TSC22D2: variants seen among roughly 807,000 people sequenced by gnomAD.
TSC22D2 encodes the protein TSC22 domain family protein 2.
In TSC22D2, 5 loss-of-function variants were observed where a neutral mutation model predicts 50.1. The observed-to-expected ratio is 0.10, with a 90% CI of 0.05 to 0.21. TSC22D2 has a LOEUF of 0.21. Among genes scored for constraint, TSC22D2 ranks in the 10% least tolerant of loss-of-function variants. TSC22D2 has a pLI of 1.00. For missense variants in TSC22D2, 1,003 were observed against 1,015.5 expected (o/e 0.99, Z 0.17); for synonymous variants, 501 against 450.1 (o/e 1.11, Z -1.43).
At position 150,430,057 on chromosome 3, in the gene TSC22D2, A is replaced by G. The variant is rs143955839; in HGVS notation, c.1958+18749A>G. Reference sequence around the variant, plus strand: ...CAGTGAGCTTGGTCTTAATATGGAAAATGGTAAATACATTATCACATGATT... The same window carrying G: ...CAGTGAGCTTGGTCTTAATATGGAAGATGGTAAATACATTATCACATGATT... On this transcript the variant is annotated intron_variant, in intron 1 of 2. Transcript: ENST00000688009. Among the ~76,000 whole-genome samples the G allele has an allele frequency of 4.7e-3, 710 of 152,282 alleles. 9 individuals carry two copies. The highest frequency in any genetic ancestry group is 2.5e-3 in the Non-Finnish European group (167 of 68,010).
chr3:150,457,355 T>G (rs1721221383), intron 2 of TSC22D2, among the ~76,000 whole-genome samples: 1 of 152,236 alleles, frequency 6.6e-6, no homozygotes, highest in Non-Finnish European at 1.5e-5. Context: ...TTTCATGCAT[T>G]ATCATTGATA....
rs1282311707 is a variant in TSC22D2, at chr3:150,409,671, C to A, written c.321C>A (p.Val107=). Residue 107 remains valine (V), a synonymous_variant, in exon 1 of 3, where the codon GTC becomes GTA. Coordinates refer to ENST00000688009, the MANE Select transcript of TSC22D2 (RefSeq NM_001303264.2). The surrounding 1 kb of genome is among the most constrained non-coding windows in gnomAD (Gnocchi z 7.4). Reference sequence around the variant, plus strand: ...CTGCTCCCGCCAACGGAGGAGGAGTCGTTTCGGCCCGGAGCGTGTCTGGGG... The same window carrying A: ...CTGCTCCCGCCAACGGAGGAGGAGTAGTTTCGGCCCGGAGCGTGTCTGGGG... ...AAAAPANGGG[V]VSARSVSGAL... 2 of 1,594,980 alleles carry A rather than the reference C, an allele frequency of 1.3e-6. No individual in the cohort carries two copies. Among genetic ancestry groups the A allele is most frequent in the Admixed American group, 1.7e-5 (1 of 57,672 alleles).
intron 1 of TSC22D2, among the ~76,000 whole-genome samples, chr3:150,433,317 G>A (rs1287163348): frequency 2.6e-5 from 4 of 152,164 alleles, no homozygotes; most frequent in African/African-American, 7.2e-5. Context: ...CAGCATGGCT[G>A]TCAGTGTCCC....
chr3:150,448,330 C>T (rs1008512978), intron 1 of TSC22D2, among the ~76,000 whole-genome samples: 1 of 152,002 alleles, frequency 6.6e-6, no homozygotes, highest in African/African-American at 2.4e-5. Flanking sequence ...TTTTAAAAAT[C>T]AGCTGGGAAT....
chr3:150,410,409 G>T lies in TSC22D2; in HGVS notation c.1059G>T (p.Gln353His). The change falls in exon 1 of 3, where the codon CAG (glutamine) becomes CAT (histidine). Residue 353 changes from glutamine to histidine, a missense_variant. Transcript: ENST00000688009. ...CAGTGGGCGCCCCCGCGGCGCAGCA[G>T]CCCCAGCAGTTCGCGTATCCTCAGC... Reference protein sequence around the residue: ...GPAVGAPAAQQPQQFAYPQPQ... With the variant: ...GPAVGAPAAQHPQQFAYPQPQ... 6.2e-7 allele frequency: 1 copy of T among 1,608,626 alleles called. No homozygotes were observed.
chr3:150,441,113 T>C (rs1720705690), intron 1 of TSC22D2, among the ~76,000 whole-genome samples: 1 of 151,144 alleles, frequency 6.6e-6, no homozygotes, highest in Admixed American at 6.6e-5. Flanking sequence ...TCTGTAGTAG[T>C]AGTATGTTTG....
At chr3:150,412,527 C>T (rs1009599775) in intron 1 of TSC22D2, among the ~76,000 whole-genome samples, 17 of 152,122 alleles carry the variant, frequency 1.1e-4, no homozygotes, top group Non-Finnish European at 2.2e-4. Flanking sequence ...TTGTTATATA[C>T]TTCTGTTGGT....
In TSC22D2 at chr3:150,410,324, C is replaced by T; in HGVS notation, c.974C>T (p.Pro325Leu). 1 of 1,578,598 alleles carries T rather than the reference C, an allele frequency of 6.3e-7. No homozygotes were observed. Among genetic ancestry groups the T allele is most frequent in the Non-Finnish European group, 8.6e-7 (1 of 1,161,320 alleles). Residue 325 changes from proline to leucine, a missense_variant, in exon 1 of 3, where the codon CCG (proline) becomes CTG (leucine). Pro to Leu is a moderately conservative substitution (Grantham distance 98). This residue lies in a region of TSC22D2 where 696 missense variants were observed against 647.8 expected (regional missense o/e 1.07). Transcript: ENST00000688009. ...QGAGPGGQTLPPTNVTLAQPA... is the reference protein window; with the variant it reads ...QGAGPGGQTLLPTNVTLAQPA... ...GCGGGGCCCGGGGGACAGACTCTGC[C>T]GCCGACGAATGTAACCCTGGCGCAG...
rs865987569 is a variant in TSC22D2 at position 150,410,596 on chromosome 3, G to T, written c.1246G>T (p.Gly416Cys). The T allele has an allele frequency of 6.4e-7, 1 of 1,562,240 alleles. No homozygotes were observed. Among genetic ancestry groups the T allele is most frequent in the East Asian group, 2.4e-5 (1 of 42,092 alleles). The change falls in exon 1 of 3, where the codon GGC becomes TGC. Residue 416 changes from glycine (G) to cysteine (C), a missense_variant. Physicochemically the swap from Gly to Cys is radical, Grantham distance 159. Around this residue, in one of 6 missense-constraint regions of TSC22D2, gnomAD observed 696 missense variants for 647.8 expected, o/e 1.07. Transcript: ENST00000688009. The part of the protein sequence containing the change: ...ATAATLPVGT[G>C]QNASSVGAQL... Reference sequence around the variant, plus strand: ...GGCGGCCACCCTTCCCGTGGGCACCGGCCAGAATGCTTCCTCGGTGGGCGC... The same window carrying T: ...GGCGGCCACCCTTCCCGTGGGCACCTGCCAGAATGCTTCCTCGGTGGGCGC...
At chr3:150,433,452 T>C (rs1165343230) in intron 1 of TSC22D2, among the ~76,000 whole-genome samples, 1 of 152,234 alleles carries the variant, frequency 6.6e-6, no homozygotes, top group Non-Finnish European at 1.5e-5. Context: ...TATGTAACCT[T>C]TGTCGTAGAA....
rs1719438005 is a variant in TSC22D2 at position 150,409,743 on chromosome 3, C to T, written c.393C>T (p.Pro131=). ...CGGCTGCCACTTCGGCCCCCGCCCC[C>T]GGAGCACCCGGCGGCCCCCAGCTCG... The part of the protein sequence containing the change: ...LAAAATSAPA[P]GAPGGPQLAG... Residue 131 remains proline, a synonymous_variant, in exon 1 of 3, where the codon CCC becomes CCT. Transcript: ENST00000688009. This position sits in a 1 kb window ranked among gnomAD's most constrained non-coding sequence, Gnocchi z 7.4. 6.2e-7 allele frequency: 1 copy of T among 1,601,424 alleles called. No individual in the cohort carries two copies. The highest frequency in any genetic ancestry group is 8.5e-7 in the Non-Finnish European group (1 of 1,177,962).
At position 150,460,174 on chromosome 3, in the gene TSC22D2, A is replaced by G. The variant is rs1721352664; in HGVS notation, c.*1538A>G. 1 of 152,318 alleles carries G rather than the reference A, an allele frequency of 6.6e-6. No homozygotes were observed. Among genetic ancestry groups the G allele is most frequent in the South Asian group, 2.1e-4 (1 of 4,832 alleles). 9.4% of individuals were successfully genotyped at this position (152,318 alleles called of 1,614,324 possible). A position where few individuals can be genotyped will look rare whatever the true frequency, so the allele number is the denominator to read the frequency against. On this transcript the variant is annotated 3_prime_UTR_variant, in exon 3 of 3. Transcript: ENST00000688009. ...ACTAGATTTGTATTTTCACAGTTCAAAATACTCCTTAAAGACCTGTTAATA... is the reference window on the plus strand; with the variant it reads ...ACTAGATTTGTATTTTCACAGTTCAGAATACTCCTTAAAGACCTGTTAATA...
intron 1 of TSC22D2, among the ~76,000 whole-genome samples, chr3:150,425,689 C>T (rs1033612182): frequency 2.0e-5 from 3 of 151,994 alleles, no homozygotes; most frequent in Non-Finnish European, 4.4e-5. Context: ...CTTTTAAGTG[C>T]CCATTTTCAG....
intron 1 of TSC22D2, among the ~76,000 whole-genome samples, chr3:150,448,091 T>G (rs554543540): frequency 6.6e-6 from 1 of 152,308 alleles, no homozygotes; most frequent in South Asian, 2.1e-4. Flanking sequence ...CTCCTGTCCT[T>G]TCTTAGGTCT....
chr3:150,436,949 T>C (rs1299237913), intron 1 of TSC22D2, among the ~76,000 whole-genome samples: 1 of 152,150 alleles, frequency 6.6e-6, no homozygotes, highest in Non-Finnish European at 1.5e-5. Flanking sequence ...ATGCTGTCTT[T>C]CAGTTTTCTA....
intron 1 of TSC22D2, among the ~76,000 whole-genome samples, chr3:150,432,986 C>G (rs1436797559): frequency 6.6e-6 from 1 of 152,046 alleles, no homozygotes; most frequent in African/African-American, 2.4e-5. Context: ...GTGATTGATA[C>G]AGAGCTTTTA....
intron 1 of TSC22D2, among the ~76,000 whole-genome samples, chr3:150,414,039 A>G (rs1576541197): frequency 6.6e-6 from 1 of 152,158 alleles, no homozygotes; most frequent in East Asian, 1.9e-4. Flanking sequence ...AAAGTTCTAT[A>G]TTGGCTTAAT....
At chr3:150,428,085 A>G (rs982379387) in intron 1 of TSC22D2, among the ~76,000 whole-genome samples, 4 of 152,102 alleles carry the variant, frequency 2.6e-5, no homozygotes, top group Admixed American at 1.3e-4. Flanking sequence ...AGGATTCCAC[A>G]TTGTGTTTAG....
chr3:150,421,131 T>C (rs1028117519), intron 1 of TSC22D2, among the ~76,000 whole-genome samples: 1 of 152,208 alleles, frequency 6.6e-6, no homozygotes, highest in East Asian at 1.9e-4. Flanking sequence ...ATCATCCTTA[T>C]AAATATATTG....
Sources: allele counts gnomAD v4.1 joint callset (sites outside exome capture counted in the v4.1 genomes callset), GRCh38; gene constraint gnomAD v4.1.1; regional missense constraint gnomAD v4.1.1; non-coding constraint Gnocchi (gnomAD v3.1); transcripts MANE v1.5; gene names NCBI Gene and HGNC (gene_info 2026-07-23, HGNC 2026-07-21).